The following LRRTM4 variants were observed in gnomAD, a reference collection of about 807,000 sequenced individuals.
The protein encoded by LRRTM4 is leucine-rich repeat transmembrane neuronal protein 4.
LRRTM4 carries 25 observed loss-of-function variants against 47.6 expected under a neutral mutation model. The ratio of observed to expected loss-of-function variants is 0.53; its 90% confidence interval spans 0.38 to 0.73. The LOEUF (loss-of-function observed/expected upper bound fraction) is 0.73, where lower values mean the gene tolerates loss of function less well. LRRTM4 is among the 30% of genes least tolerant of loss of function. The pLI is 0.00. For missense variants in LRRTM4, 638 were observed against 713.4 expected (o/e 0.89, Z 1.20); for synonymous variants, 311 against 269.5 (o/e 1.15, Z -1.51).
chr2:76,999,888 T>A (rs751879660), intron 3 of LRRTM4, among the ~76,000 whole-genome samples: 1 of 152,182 alleles, frequency 6.6e-6, no homozygotes, highest in African/African-American at 2.4e-5. Flanking sequence ...GTGGTTTTCA[T>A]TCTACCTTAA....
intron 3 of LRRTM4, among the ~76,000 whole-genome samples, chr2:76,861,453 C>T (rs149165980): frequency 3.7e-4 from 56 of 152,180 alleles, no homozygotes; most frequent in Admixed American, 1.4e-3. Context: ...CCATCAAAAT[C>T]ATCTGGTTAA....
chr2:77,032,915 C>G (rs373432423), intron 3 of LRRTM4, among the ~76,000 whole-genome samples: 3 of 152,056 alleles, frequency 2.0e-5, no homozygotes, highest in East Asian at 1.9e-4. Flanking sequence ...GCCTATTACA[C>G]CATACAACAT....
In LRRTM4 at chr2:76,789,894, C is replaced by G. The variant is rs558886281; in HGVS notation, c.1552-40978G>C. Among the ~76,000 whole-genome samples the G allele has an allele frequency of 2.0e-5, 3 of 152,222 alleles. No individual in the cohort carries two copies. In the East Asian group the frequency reaches 5.8e-4, roughly 29 times the overall value. ...TTATCAGCACTCTTCTTTTTTATCT[C>G]TAGCTCTCCTTCTATTTCACTTTTA... On this transcript the variant is annotated intron_variant, in intron 3 of 3. Transcript: ENST00000409884.
At chr2:76,993,533 A>G (rs1165652924) in intron 3 of LRRTM4, among the ~76,000 whole-genome samples, 1 of 152,056 alleles carries the variant, frequency 6.6e-6, no homozygotes, top group African/African-American at 2.4e-5. Flanking sequence ...AATCGGAGAA[A>G]TGTGAATCAA....
At chr2:77,274,520 T>C (rs1676289821) in intron 3 of LRRTM4, among the ~76,000 whole-genome samples, 1 of 152,204 alleles carries the variant, frequency 6.6e-6, no homozygotes. Flanking sequence ...CTGTGGCTTT[T>C]TTCTAGTGTA....
At chr2:77,297,969 A>T (rs1677019078) in intron 3 of LRRTM4, among the ~76,000 whole-genome samples, 1 of 152,224 alleles carries the variant, frequency 6.6e-6, no homozygotes, top group East Asian at 1.9e-4. Context: ...TATATGATGT[A>T]AATTTCAAAT....
At chr2:77,245,741 G>C (rs982629753) in intron 3 of LRRTM4, among the ~76,000 whole-genome samples, 5 of 151,954 alleles carry the variant, frequency 3.3e-5, no homozygotes, top group Non-Finnish European at 5.9e-5. Flanking sequence ...ACATCTACAT[G>C]TAGCATGTGT....
chr2:77,482,304 T>C (rs1279967801), intron 3 of LRRTM4, among the ~76,000 whole-genome samples: 1 of 152,170 alleles, frequency 6.6e-6, no homozygotes, highest in Non-Finnish European at 1.5e-5. Flanking sequence ...AGGCATTGGA[T>C]TGTAAATTGA....
chr2:77,517,843 A>C (rs934321807), intron 3 of LRRTM4: 7 of 986,122 alleles, frequency 7.1e-6, no homozygotes, highest in African/African-American at 5.2e-5. Context: ...AAAAATTTAC[A>C]ACAAAATCAA....
intron 3 of LRRTM4, among the ~76,000 whole-genome samples, chr2:77,070,571 A>G (rs1365209502): frequency 6.6e-6 from 1 of 151,918 alleles, no homozygotes; most frequent in Admixed American, 6.6e-5. Flanking sequence ...AAACATTTCT[A>G]CTAAGATATT....
chr2:76,769,974 A>G (rs1673623345), intron 3 of LRRTM4, among the ~76,000 whole-genome samples: 1 of 152,162 alleles, frequency 6.6e-6, no homozygotes, highest in African/African-American at 2.4e-5. Flanking sequence ...TCCCAGACCT[A>G]CTCGATCAAA....
At chr2:77,409,542 C>T (rs528414959) in intron 3 of LRRTM4, among the ~76,000 whole-genome samples, 1 of 152,288 alleles carries the variant, frequency 6.6e-6, no homozygotes, top group South Asian at 2.1e-4. Flanking sequence ...CAAACTATAG[C>T]AGCCTTTTAG....
At chr2:77,365,462 A>C (rs2103755555) in intron 3 of LRRTM4, among the ~76,000 whole-genome samples, 1 of 152,102 alleles carries the variant, frequency 6.6e-6, no homozygotes, top group South Asian at 2.1e-4. Context: ...CTTTTGGCAT[A>C]GATTTTTTTA....
chr2:77,515,313 G>C (rs375099207), intron 3 of LRRTM4, among the ~76,000 whole-genome samples: 6 of 151,682 alleles, frequency 4.0e-5, no homozygotes, highest in African/African-American at 1.5e-4. Context: ...GCAAAACATA[G>C]AGAAAATTAT....
At chr2:76,777,259 T>A (rs1573083632) in intron 3 of LRRTM4, among the ~76,000 whole-genome samples, 2 of 148,786 alleles carry the variant, frequency 1.3e-5, no homozygotes, top group East Asian at 4.1e-4. Flanking sequence ...TTTGGTTCCA[T>A]ATGAACTTTA....
intron 3 of LRRTM4, among the ~76,000 whole-genome samples, chr2:76,892,604 T>C (rs116437015): frequency 0.01 from 1,572 of 151,654 alleles, 31 homozygotes; most frequent in African/African-American, 0.036. Flanking sequence ...CAAAACATGT[T>C]CCAAGGAACC....
At chr2:76,837,529 T>A (rs947290268) in intron 3 of LRRTM4, among the ~76,000 whole-genome samples, 2 of 152,130 alleles carry the variant, frequency 1.3e-5, no homozygotes, top group African/African-American at 2.4e-5. Context: ...TGCTATAAAT[T>A]TCCCTCTATA....
chr2:77,255,736 T>C (rs1410802551), intron 3 of LRRTM4, among the ~76,000 whole-genome samples: 1 of 151,998 alleles, frequency 6.6e-6, no homozygotes, highest in Non-Finnish European at 1.5e-5. Flanking sequence ...AAAAATGAAA[T>C]TACATGTCAA....
chr2:77,474,195 C>T (rs1041382002), intron 3 of LRRTM4, among the ~76,000 whole-genome samples: 1 of 151,444 alleles, frequency 6.6e-6, no homozygotes, highest in South Asian at 2.1e-4. Flanking sequence ...GAGGGATAGT[C>T]CAACACAAAG....
Sources: gnomAD v4.1 joint callset for allele counts (sites outside exome capture counted in the v4.1 genomes callset) on GRCh38, gnomAD v4.1.1 for gene constraint, MANE v1.5 for transcripts, NCBI Gene and HGNC (gene_info 2026-07-23, HGNC 2026-07-21) for gene names.